Variants in RNF217 observed in about 807,000 individuals in gnomAD.
RNF217 encodes the protein ring finger protein 217.
In RNF217, 31 loss-of-function variants were observed where a neutral mutation model predicts 57.8. The observed-to-expected ratio is 0.54, with a 90% CI of 0.40 to 0.72. RNF217 has a LOEUF of 0.72. Among genes scored for constraint, RNF217 ranks in the 30% least tolerant of loss-of-function variants. RNF217 has a pLI of 0.00. For synonymous variants in RNF217, 313 were observed against 294.0 expected (o/e 1.06, Z -0.66); for missense variants, 696 against 708.3 (o/e 0.98, Z 0.20).
At chr6:125,021,466 C>T (rs569658768) in intron 1 of RNF217, among the ~76,000 whole-genome samples, 14 of 151,958 alleles carry the variant, frequency 9.2e-5, no homozygotes, top group Non-Finnish European at 1.0e-4. Flanking sequence ...GGGGTTTCAC[C>T]ATCTTGGCCA....
intron 1 of RNF217, among the ~76,000 whole-genome samples, chr6:124,999,301 A>G (rs1190397365): frequency 6.6e-6 from 1 of 152,238 alleles, no homozygotes; most frequent in Non-Finnish European, 1.5e-5. Flanking sequence ...TGGCACTTCA[A>G]GCTGGCAGGG....
intron 1 of RNF217, among the ~76,000 whole-genome samples, chr6:124,992,121 G>A (rs995156320): frequency 6.6e-6 from 1 of 152,106 alleles, no homozygotes; most frequent in Non-Finnish European, 1.5e-5. Context: ...ATTCAAACAA[G>A]CTACAAAGTA....
intron 3 of RNF217, among the ~76,000 whole-genome samples, chr6:125,076,080 T>TTA (rs1351616812): frequency 1.3e-5 from 2 of 152,140 alleles, no homozygotes; most frequent in African/African-American, 2.4e-5. Context: ...GTTGCACAGA[T>TTA]GGTATTGTAC....
In RNF217 at chr6:124,962,931, C is replaced by G. The variant is rs770859308; in HGVS notation, c.387C>G (p.Pro129=). The G allele has an allele frequency of 3.1e-6, 5 of 1,597,926 alleles. No individual in the cohort carries two copies. The highest frequency in any genetic ancestry group is 4.5e-5 in the East Asian group (2 of 44,822). Reference sequence around the variant, plus strand: ...GGGATGAACAGCAGGAGGCGCCCCCCGGCGAAGAGCTGGAGCCCAGGACCC... The same window carrying G: ...GGGATGAACAGCAGGAGGCGCCCCCGGGCGAAGAGCTGGAGCCCAGGACCC... ...EGGDEQQEAP[P]GEELEPRTRV... is the part of the protein sequence containing the mutation. Residue 129 remains proline, a synonymous_variant, in exon 1 of 6, where the codon CCC becomes CCG. Transcript: ENST00000521654. The surrounding 1 kb of genome is among the most constrained non-coding windows in gnomAD (Gnocchi z 4.6).
rs1321151775 is a variant in RNF217 at position 125,076,668 on chromosome 6, G to A, written c.1293G>A (p.Gln431=). ...QKCPKCKIHI[Q]RTEGCDHMTC... is the part of the protein sequence containing the mutation. ...TCTTGCTGATACAGATCCACATCCA[G>A]CGAACTGAAGGATGTGACCATATGA... Residue 431 remains glutamine (Q), a synonymous_variant, in exon 4 of 6, where the codon CAG becomes CAA. Coordinates refer to ENST00000521654, the MANE Select transcript of RNF217 (RefSeq NM_001286398.3). 1.9e-6 allele frequency: 3 copies of A among 1,609,330 alleles called. No homozygotes were observed. The South Asian group carries it at 3.3e-5, about 18-fold the overall frequency.
At chr6:124,981,220 A>C (rs2115014679) in intron 1 of RNF217, among the ~76,000 whole-genome samples, 1 of 152,362 alleles carries the variant, frequency 6.6e-6, no homozygotes, top group South Asian at 2.1e-4. Context: ...TTAAATTTGT[A>C]ATATCTCATT....
chr6:125,066,619 C>T (rs1187582904), intron 3 of RNF217, among the ~76,000 whole-genome samples: 2 of 152,142 alleles, frequency 1.3e-5, no homozygotes, highest in African/African-American at 4.8e-5. Flanking sequence ...AAATTTCAAA[C>T]CACCGTCCCC....
At chr6:124,972,303 T>A (rs1342201305) in intron 1 of RNF217, among the ~76,000 whole-genome samples, 2 of 152,154 alleles carry the variant, frequency 1.3e-5, no homozygotes, top group Admixed American at 6.5e-5. Context: ...TCTGCTGTCA[T>A]TTCCCTCTCT....
chr6:125,072,825 A>G (rs1788201270), intron 3 of RNF217, among the ~76,000 whole-genome samples: 2 of 145,528 alleles, frequency 1.4e-5, no homozygotes, highest in Admixed American at 6.8e-5. Flanking sequence ...TAAGTTCATC[A>G]TAAGAGGCTA....
intron 1 of RNF217, among the ~76,000 whole-genome samples, chr6:125,039,739 A>G (rs1786798910): frequency 6.6e-6 from 1 of 152,200 alleles, no homozygotes; most frequent in Non-Finnish European, 1.5e-5. Context: ...TGAAATCATA[A>G]CAGACAGTCT....
chr6:125,013,592 T>C (rs1178004850), intron 1 of RNF217, among the ~76,000 whole-genome samples: 1 of 152,096 alleles, frequency 6.6e-6, no homozygotes, highest in Non-Finnish European at 1.5e-5. Context: ...TGTTTTCTTT[T>C]AGTAAAGACT....
At chr6:125,061,629 G>C (rs9491293) in intron 3 of RNF217, among the ~76,000 whole-genome samples, 1 of 145,584 alleles carries the variant, frequency 6.9e-6, no homozygotes, top group Non-Finnish European at 1.5e-5. Flanking sequence ...GTAGGTTTTC[G>C]TTTTTTTTTA....
At chr6:125,082,787 A>C in intron 5 of RNF217, 77 bp from the exon 6 acceptor site, 1 of 1,210,180 alleles carries the variant, frequency 8.3e-7, no homozygotes, top group South Asian at 1.3e-5. Flanking sequence ...CTGCAAATAA[A>C]TAAACATAGA....
chr6:124,984,915 T>C (rs1453057067), intron 1 of RNF217, among the ~76,000 whole-genome samples: 1 of 152,156 alleles, frequency 6.6e-6, no homozygotes, highest in African/African-American at 2.4e-5. Context: ...TTTTATAATA[T>C]ATGTAAGACA....
intron 1 of RNF217, among the ~76,000 whole-genome samples, chr6:125,035,525 C>T (rs555090392): frequency 6.6e-6 from 1 of 152,186 alleles, no homozygotes; most frequent in South Asian, 2.1e-4. Flanking sequence ...CTGCATGTTT[C>T]TCATTGCTTT....
At chr6:125,050,031 A>C (rs1212122233) in intron 2 of RNF217, among the ~76,000 whole-genome samples, 2 of 151,932 alleles carry the variant, frequency 1.3e-5, no homozygotes, top group African/African-American at 4.8e-5. Flanking sequence ...ACGAAAATGA[A>C]AAAAATATTC....
intron 2 of RNF217, among the ~76,000 whole-genome samples, chr6:125,048,498 A>G (rs1320294720): frequency 1.3e-5 from 2 of 152,058 alleles, no homozygotes; most frequent in Non-Finnish European, 1.5e-5. Context: ...GTAGGTTTGT[A>G]TCTACTGATA....
Position 124,981,115 on chromosome 6 carries a change from T to G in RNF217, c.882+17689T>G, listed in dbSNP as rs564628061. On this transcript the variant is annotated intron_variant, in intron 1 of 5. Coordinates refer to ENST00000521654, the MANE Select transcript of RNF217 (RefSeq NM_001286398.3). ...GTGAGCAGTCACAGACACTATATGG[T>G]GCTTAAGAATACTGTTTATAATGTT... is the stretch of plus-strand genomic sequence containing the variant. Among the ~76,000 whole-genome samples, 11 of 152,336 alleles carry G rather than the reference T, an allele frequency of 7.2e-5. 1 individual carries two copies. The Middle Eastern group carries it at 0.014, about 188-fold the overall frequency.
chr6:125,079,157 C>A (rs1788482356), intron 4 of RNF217, among the ~76,000 whole-genome samples: 1 of 152,082 alleles, frequency 6.6e-6, no homozygotes, highest in Non-Finnish European at 1.5e-5. Context: ...AGAGGTTCTG[C>A]TCATAAATTA....
Sources: gnomAD v4.1 joint callset for allele counts (sites outside exome capture counted in the v4.1 genomes callset) on GRCh38, gnomAD v4.1.1 for gene constraint, Gnocchi (gnomAD v3.1) non-coding constraint, MANE v1.5 for transcripts, NCBI Gene and HGNC (gene_info 2026-07-23, HGNC 2026-07-21) for gene names.